The following GRK3 variants were observed in gnomAD, a reference collection of about 807,000 sequenced individuals.
GRK3 encodes the protein G protein-coupled receptor kinase 3, also known as adrenergic, beta, receptor kinase 2.
GRK3 carries 54 observed loss-of-function variants against 95.7 expected under a neutral mutation model. The observed-to-expected ratio is 0.56, with a 90% CI of 0.45 to 0.71. The LOEUF (loss-of-function observed/expected upper bound fraction) is 0.71. Among genes scored for constraint, GRK3 ranks in the 30% least tolerant of loss-of-function variants. The probability of loss-of-function intolerance (pLI) is 0.00; values close to 1 mark genes in which losing one functional copy is unlikely to be tolerated. For synonymous variants in GRK3, 281 were observed against 290.8 expected (o/e 0.97, Z 0.34); for missense variants, 649 against 851.2 (o/e 0.76, Z 2.96).
chr22:25,574,913 T>A (rs1743358021), intron 1 of GRK3, among the ~76,000 whole-genome samples: 1 of 152,228 alleles, frequency 6.6e-6, no homozygotes, highest in South Asian at 2.1e-4. Context: ...TTGTTTCTAG[T>A]GGCAGTGGAG....
At chr22:25,703,887 A>G (rs905899429) in intron 14 of GRK3, among the ~76,000 whole-genome samples, 6 of 152,252 alleles carry the variant, frequency 3.9e-5, no homozygotes, top group African/African-American at 1.4e-4. Flanking sequence ...TGAGATGCCA[A>G]CGAATGAGAA....
rs1568943857 is a variant in GRK3, at chr22:25,722,492, G to T, written c.*42G>T. The T allele has an allele frequency of 1.9e-6, 3 of 1,602,326 alleles. No individual in the cohort carries two copies. The Admixed American group carries it at 5.0e-5, about 27-fold the overall frequency. On this transcript the variant is annotated 3_prime_UTR_variant, in exon 21 of 21. Transcript: ENST00000324198. ...GGGTCCTCGAGGAGGACACACCAGGGTCTCAGCCTTTTGGGGTGAACGAGG... is the reference window on the plus strand; with the variant it reads ...GGGTCCTCGAGGAGGACACACCAGGTTCTCAGCCTTTTGGGGTGAACGAGG...
At chr22:25,575,232 A>G (rs114509972) in intron 1 of GRK3, among the ~76,000 whole-genome samples, 2,961 of 152,314 alleles carry the variant, frequency 0.019, 99 homozygotes, top group African/African-American at 0.067. Context: ...AGGCTACTCT[A>G]TAAGAAAAGC....
chr22:25,687,989 C>T (rs971103293), intron 11 of GRK3, among the ~76,000 whole-genome samples: 8 of 152,162 alleles, frequency 5.3e-5, no homozygotes, highest in South Asian at 2.1e-4. Context: ...GTAATCCCAG[C>T]ACTTTGGGAG....
chr22:25,582,389 G>A (rs738344), intron 1 of GRK3, among the ~76,000 whole-genome samples: 1,944 of 152,192 alleles, frequency 0.013, 28 homozygotes, highest in Middle Eastern at 0.065. Context: ...TAAAAAATCT[G>A]AGTAAATTGA....
intron 2 of GRK3, among the ~76,000 whole-genome samples, chr22:25,622,167 G>C (rs75696895): frequency 0.023 from 3,428 of 152,244 alleles, 63 homozygotes; most frequent in Middle Eastern, 0.068. Flanking sequence ...AAACCTCAGA[G>C]TCTATGCATT....
intron 1 of GRK3, among the ~76,000 whole-genome samples, chr22:25,595,877 T>G (rs1164819732): frequency 6.6e-6 from 1 of 151,978 alleles, no homozygotes; most frequent in Non-Finnish European, 1.5e-5. Context: ...AGCTCAGGAG[T>G]TTGAGGCCGC....
intron 3 of GRK3, among the ~76,000 whole-genome samples, chr22:25,652,627 G>A (rs550338491): frequency 1.1e-4 from 17 of 152,046 alleles, no homozygotes; most frequent in Non-Finnish European, 2.1e-4. Flanking sequence ...ATTTCCATTG[G>A]ATTGTAATCA....
At chr22:25,606,559 C>G (rs1314897645) in intron 2 of GRK3, among the ~76,000 whole-genome samples, 2 of 152,124 alleles carry the variant, frequency 1.3e-5, no homozygotes, top group African/African-American at 2.4e-5. Flanking sequence ...TGACTCCATG[C>G]GTTCCTGCCC....
At position 25,674,547 on chromosome 22, in the gene GRK3, T is replaced by A. The variant is rs762088342; in HGVS notation, c.647+19T>A. On this transcript the variant is annotated intron_variant, in intron 8 of 20. Transcript: ENST00000324198. The stretch of plus-strand genomic sequence containing the variant: ...GAAAAATGTAAGCTTTCAATGCTCT[T>A]ATGTTTTACTGGCACTATTAAAATT... 3.3e-6 allele frequency: 5 copies of A among 1,521,704 alleles called. No homozygotes were observed. Among genetic ancestry groups the A allele is most frequent in the Non-Finnish European group, 4.5e-6 (5 of 1,099,828 alleles). 94.3% of individuals were successfully genotyped at this position (1,521,704 alleles called of 1,614,324 possible).
intron 6 of GRK3, among the ~76,000 whole-genome samples, chr22:25,671,168 C>T (rs185920839): frequency 1.9e-3 from 291 of 149,856 alleles, no homozygotes; most frequent in African/African-American, 6.7e-3. Context: ...GGTGAAACCC[C>T]CTCTCTACTA....
chr22:25,647,734 T>A lies in GRK3; in HGVS notation c.264+3069T>A, dbSNP rs1312809640. 9.6e-6 allele frequency: 12 copies of A among 1,248,624 alleles called. No individual in the cohort carries two copies. In the East Asian group the frequency reaches 2.8e-4, roughly 29 times the overall value. The allele number at this position is 1,248,624 out of a possible 1,614,324, so 77.3% of individuals were successfully genotyped here. A position where few individuals can be genotyped will look rare whatever the true frequency, so the allele number is the denominator to read the frequency against. On this transcript the variant is annotated intron_variant, in intron 3 of 20. Transcript: ENST00000324198. ...TGCAGATTCCATTCAGGCAGAAGAATGGTATTTTGGCAAAATGGGGAGAAA... is the reference window on the plus strand; with the variant it reads ...TGCAGATTCCATTCAGGCAGAAGAAAGGTATTTTGGCAAAATGGGGAGAAA...
intron 3 of GRK3, among the ~76,000 whole-genome samples, 170 bp downstream of exon 3, chr22:25,644,835 T>C (rs1461830679): frequency 3.9e-5 from 6 of 152,174 alleles, no homozygotes; most frequent in Non-Finnish European, 5.9e-5. Context: ...TATGAAAAGC[T>C]GAGTATGCCA....
intron 11 of GRK3, among the ~76,000 whole-genome samples, chr22:25,688,449 C>T (rs2085139728): frequency 6.6e-6 from 1 of 152,148 alleles, no homozygotes; most frequent in African/African-American, 2.4e-5. Context: ...GTCATAACTC[C>T]TCCAAGGCAA....
intron 7 of GRK3, among the ~76,000 whole-genome samples, chr22:25,674,084 T>C (rs1298659203): frequency 6.6e-6 from 1 of 152,224 alleles, no homozygotes; most frequent in Non-Finnish European, 1.5e-5. Context: ...TAGCTAAGGC[T>C]GCTTTTCATT....
chr22:25,604,928 C>T (rs965124437), intron 2 of GRK3, among the ~76,000 whole-genome samples: 5 of 152,158 alleles, frequency 3.3e-5, no homozygotes, highest in Admixed American at 6.5e-5. Context: ...GCGTATTCTT[C>T]GAGATAATTC....
At chr22:25,696,994 A>G (rs1293858480) in intron 13 of GRK3, among the ~76,000 whole-genome samples, 1 of 152,216 alleles carries the variant, frequency 6.6e-6, no homozygotes, top group Non-Finnish European at 1.5e-5. Context: ...TTCTATGCAT[A>G]TGGAGTGCAT....
chr22:25,703,489 A>C, intron 13 of GRK3, 21 bp from the exon 14 acceptor site: 1 of 1,597,980 alleles, frequency 6.3e-7, no homozygotes, highest in Non-Finnish European at 8.6e-7. Context: ...ATTTTGATAG[A>C]ACAATTCTTT....
chr22:25,721,689 G>A (rs946914102), intron 20 of GRK3, among the ~76,000 whole-genome samples: 17 of 152,102 alleles, frequency 1.1e-4, no homozygotes, highest in Admixed American at 3.9e-4. Flanking sequence ...AGATTTTTCG[G>A]CATGTTCGAT....
Sources: allele counts gnomAD v4.1 joint callset (sites outside exome capture counted in the v4.1 genomes callset), GRCh38; gene constraint gnomAD v4.1.1; transcripts MANE v1.5; gene names NCBI Gene and HGNC (gene_info 2026-07-23, HGNC 2026-07-21).